The following GSN variants were observed in gnomAD, a reference collection of about 807,000 sequenced individuals.
GSN encodes gelsolin, also known as actin-depolymerizing factor.
In GSN, 56 loss-of-function variants were observed where a neutral mutation model predicts 85.7. That is an observed-to-expected ratio of 0.65 (90% CI 0.53 to 0.82). The LOEUF is 0.82. Among genes scored for constraint, GSN ranks in the 40% least tolerant of loss-of-function variants. The pLI is 0.00. For missense variants in GSN, 857 were observed against 979.8 expected (o/e 0.87, Z 1.67); for synonymous variants, 373 against 399.1 (o/e 0.93, Z 0.78).
At chr9:121,248,690 G>A (rs1331756354) in intron 6 of GSN, among the ~76,000 whole-genome samples, 5 of 152,190 alleles carry the variant, frequency 3.3e-5, no homozygotes, top group Admixed American at 6.5e-5. Context: ...TAAGTAACAC[G>A]ACCAGGTAGA....
intron 4 of GSN, among the ~76,000 whole-genome samples, chr9:121,230,976 A>G (rs996630858): frequency 6.6e-6 from 1 of 152,230 alleles, no homozygotes; most frequent in African/African-American, 2.4e-5. Flanking sequence ...ACTTCACAGC[A>G]TCACTCAATG....
At chr9:121,254,508 G>T (rs1319097404) in intron 6 of GSN, among the ~76,000 whole-genome samples, 1 of 152,108 alleles carries the variant, frequency 6.6e-6, no homozygotes, top group Non-Finnish European at 1.5e-5. Flanking sequence ...TAAAAGCAGA[G>T]CCTCTTTACC....
intron 6 of GSN, among the ~76,000 whole-genome samples, chr9:121,255,097 C>T (rs920311747): frequency 5.3e-5 from 8 of 152,058 alleles, no homozygotes; most frequent in Admixed American, 2.6e-4. Flanking sequence ...TACAGGCGCC[C>T]GCCACCACGC....
intron 6 of GSN, among the ~76,000 whole-genome samples, chr9:121,258,822 T>C (rs1387026465): frequency 6.6e-6 from 1 of 152,232 alleles, no homozygotes; most frequent in Non-Finnish European, 1.5e-5. Flanking sequence ...ATTAGTTTCT[T>C]CAGAAAGGTT....
At chr9:121,308,877 G>A (rs2060730476) in intron 4 of GSN, 1 of 152,300 alleles carries the variant, frequency 6.6e-6, no homozygotes, top group African/African-American at 2.4e-5. Flanking sequence ...CACGTATACT[G>A]CTGACACAGG....
chr9:121,282,526 G>A (rs2057512745), intron 2 of GSN: 1 of 1,253,814 alleles, frequency 8.0e-7, no homozygotes, highest in Non-Finnish European at 1.0e-6. Flanking sequence ...CACAGCCGGA[G>A]CTGTTCCTCT....
chr9:121,267,736 A>T (rs2055287038), upstream of GSN, among the ~76,000 whole-genome samples: 1 of 151,970 alleles, frequency 6.6e-6, no homozygotes, highest in Admixed American at 6.5e-5. Flanking sequence ...CATGCAGCCT[A>T]TGTCACTCTT....
At chr9:121,307,107 G>A (rs762164304) in intron 4 of GSN, among the ~76,000 whole-genome samples, 1 of 152,108 alleles carries the variant, frequency 6.6e-6, no homozygotes, top group Non-Finnish European at 1.5e-5. Flanking sequence ...CTTGAATCTG[G>A]GAGGCAGAGG....
chr9:121,287,320 A>T lies in GSN; in HGVS notation c.-10+5758A>T, dbSNP rs2058232512. 1.3e-5 allele frequency among the ~76,000 whole-genome samples: 2 copies of T among 152,118 alleles called. 1 individual carries two copies. Among genetic ancestry groups the T allele is most frequent in the South Asian group, 4.1e-4 (2 of 4,830 alleles). On this transcript the variant is annotated intron_variant, in intron 2 of 17. Transcript: ENST00000432226. The stretch of plus-strand genomic sequence containing the variant: ...CTCTAATTCTAGCCCTGGCTCTCCC[A>T]CTGTTTGATCAACTAGGTCTGACCA...
chr9:121,317,461 T>C (rs1260242236), intron 8 of GSN: 13 of 519,102 alleles, frequency 2.5e-5, no homozygotes, highest in Non-Finnish European at 4.6e-5. Flanking sequence ...AAGTGCATTA[T>C]AACGTCAGTT....
intron 5 of GSN, chr9:121,238,586 T>TA: frequency 4.8e-6 from 1 of 209,616 alleles, no homozygotes; most frequent in Non-Finnish European, 9.6e-6. Flanking sequence ...TGTGAGCGTG[T>TA]GAATCAATAC....
chr9:121,281,420 A>T (rs925413569), intron 1 of GSN, 50 bp from the exon 2 acceptor site: 37 of 368,034 alleles, frequency 1.0e-4, no homozygotes, highest in African/African-American at 7.7e-4. Flanking sequence ...ATTTGACCAG[A>T]TGACCTTGAA....
At chr9:121,328,105 G>A (rs1259466793) in intron 14 of GSN, among the ~76,000 whole-genome samples, 1 of 152,176 alleles carries the variant, frequency 6.6e-6, no homozygotes, top group Non-Finnish European at 1.5e-5. Context: ...GAGGAGCAGT[G>A]GTCTCCTTGC....
At chr9:121,324,794 C>T (rs1443232339) in intron 12 of GSN, 150 bp downstream of exon 12, 10 of 663,038 alleles carry the variant, frequency 1.5e-5, no homozygotes, top group Non-Finnish European at 2.5e-5. Context: ...TCCATCCATC[C>T]ATGGAACAGG....
At chr9:121,330,867 G>A (rs1044641328) in intron 16 of GSN, among the ~76,000 whole-genome samples, 2 of 152,146 alleles carry the variant, frequency 1.3e-5, no homozygotes, top group African/African-American at 4.8e-5. Flanking sequence ...AATATGTTTG[G>A]CCACTCATTT....
At chr9:121,286,460 G>T in intron 2 of GSN, 1 of 743,974 alleles carries the variant, frequency 1.3e-6, no homozygotes, top group Non-Finnish European at 2.1e-6. Flanking sequence ...GCTTCCTTGT[G>T]CAGGCCACAC....
At chr9:121,247,562 T>C (rs1488136323) in intron 5 of GSN, among the ~76,000 whole-genome samples, 1 of 152,204 alleles carries the variant, frequency 6.6e-6, no homozygotes, top group Non-Finnish European at 1.5e-5. Flanking sequence ...ACTTTTCAAT[T>C]AAACTGATCC....
intron 2 of GSN, chr9:121,285,507 G>T (rs1352982546): frequency 6.0e-6 from 1 of 167,662 alleles, no homozygotes; most frequent in Non-Finnish European, 1.5e-5. Context: ...TGGCCAGGTG[G>T]CTGGGTTCTC....
At chr9:121,219,189 C>T (rs2054122416) in intron 4 of GSN, among the ~76,000 whole-genome samples, 1 of 152,116 alleles carries the variant, frequency 6.6e-6, no homozygotes, top group Non-Finnish European at 1.5e-5. Context: ...GCGCTTGCTG[C>T]TTCTCTTTAC....
Sources: allele counts gnomAD v4.1 joint callset (sites outside exome capture counted in the v4.1 genomes callset), GRCh38; gene constraint gnomAD v4.1.1; transcripts MANE v1.5; gene names NCBI Gene and HGNC (gene_info 2026-07-23, HGNC 2026-07-21).